The following CEP162 variants were observed in gnomAD, a reference collection of about 807,000 sequenced individuals.
CEP162 encodes centrosomal protein 162.
CEP162 carries 141 observed loss-of-function variants against 169.2 expected under a neutral mutation model. The observed-to-expected ratio is 0.83, with a 90% confidence interval of 0.73 to 0.96. The LOEUF (loss-of-function observed/expected upper bound fraction) is 0.96. CEP162 is among the 40% of genes least tolerant of loss of function. The probability of loss-of-function intolerance (pLI) is 0.00; values close to 1 mark genes in which losing one functional copy is unlikely to be tolerated. For missense variants in CEP162, 1,600 were observed against 1,587.2 expected (o/e 1.01, Z -0.14); for synonymous variants, 540 against 526.4 (o/e 1.03, Z -0.35).
In CEP162 at chr6:84,152,418, T is replaced by A. The variant is rs186426377; in HGVS notation, c.3629+127A>T. ...ACACATGCTCAGCAATATAATATAA[T>A]TTATTAATATTCACTTATGAATTCA... On this transcript the variant is annotated intron_variant, in intron 23 of 26. Coordinates refer to ENST00000403245, the MANE Select transcript of CEP162 (RefSeq NM_014895.4). The A allele has an allele frequency of 1.7e-3, 861 of 514,096 alleles. 1 individual carries two copies. Among genetic ancestry groups the A allele is most frequent in the Non-Finnish European group, 2.5e-3 (781 of 312,220 alleles). The allele number at this position is 514,096 out of a possible 1,614,324, so 31.8% of individuals were successfully genotyped here.
chr6:84,144,502 T>C (rs2099518015), intron 25 of CEP162, among the ~76,000 whole-genome samples: 1 of 152,140 alleles, frequency 6.6e-6, no homozygotes. Flanking sequence ...TTAATTGTTT[T>C]ACTGTTACTT....
chr6:84,203,965 TA>T lies in CEP162; in HGVS notation c.687+15del. 1 of 1,517,256 alleles carries T rather than the reference TA, an allele frequency of 6.6e-7. No individual in the cohort carries two copies. The highest frequency in any genetic ancestry group is 9.0e-7 in the Non-Finnish European group (1 of 1,111,822). The allele number at this position is 1,517,256 out of a possible 1,614,324, so 94.0% of individuals were successfully genotyped here. A position where few individuals can be genotyped will look rare whatever the true frequency, so the allele number is the denominator to read the frequency against. On this transcript the variant is annotated intron_variant, in intron 7 of 26. Coordinates refer to ENST00000403245, the MANE Select transcript of CEP162 (RefSeq NM_014895.4). The stretch of plus-strand genomic sequence containing the variant: ...AAAAGTTGCAAAACTGTCAAATATA[TA>T]ATTGATATATATACCTGTTTGGGCA...
chr6:84,227,543 T>TTGGG (rs2099556224), intron 1 of CEP162, 37 bp downstream of exon 1: 1 of 152,132 alleles, frequency 6.6e-6, no homozygotes, highest in African/African-American at 2.4e-5. Flanking sequence ...CCAGGGCGAT[T>TTGGG]TGGGTGGGAA....
At chr6:84,159,274 G>C (rs2099524489) in intron 21 of CEP162, among the ~76,000 whole-genome samples, 1 of 150,496 alleles carries the variant, frequency 6.6e-6, no homozygotes, top group African/African-American at 2.4e-5. Flanking sequence ...TTTAATAAAA[G>C]TATTAATACA....
rs1443803640 is a variant in CEP162, at chr6:84,149,542, AAAAC to A, written c.3771+16_3771+19del. ...AACGAGTTTATTCAAGTCAAAAGAT[AAAAC>A]AGATTTGTCATCTACCTCTTGAGTT... On this transcript the variant is annotated intron_variant, in intron 24 of 26. Coordinates refer to ENST00000403245, the MANE Select transcript of CEP162 (RefSeq NM_014895.4). 6.4e-7 allele frequency: 1 copy of A among 1,555,992 alleles called. No homozygotes were observed.
chr6:84,168,484 C>T (rs956857921), intron 18 of CEP162, among the ~76,000 whole-genome samples: 3 of 151,706 alleles, frequency 2.0e-5, no homozygotes, highest in African/African-American at 7.3e-5. Context: ...TTCTAATTTA[C>T]ATAATAATTG....
At chr6:84,159,828 T>C (rs2099525014) in intron 21 of CEP162, among the ~76,000 whole-genome samples, 1 of 151,770 alleles carries the variant, frequency 6.6e-6, no homozygotes. Flanking sequence ...GTGATTCTCC[T>C]GCCTCTGCCT....
chr6:84,213,186 G>A (rs769473685), intron 5 of CEP162, among the ~76,000 whole-genome samples, 162 bp from the exon 6 acceptor site: 3 of 151,740 alleles, frequency 2.0e-5, no homozygotes, highest in Non-Finnish European at 4.4e-5. Flanking sequence ...TAAGGAAAAC[G>A]TTTTGAAAAT....
In CEP162 at chr6:84,154,564, A is replaced by G. The variant is rs115399295; in HGVS notation, c.2994+734T>C. ...CGGGATATAAATATGTGGGAAATGA[A>G]ATGAGCTTCCTAGAACATCTCAGCT... On this transcript the variant is annotated intron_variant, in intron 22 of 26. Coordinates refer to ENST00000403245, the MANE Select transcript of CEP162 (RefSeq NM_014895.4). Among the ~76,000 whole-genome samples, 1,416 of 152,250 alleles carry G rather than the reference A, an allele frequency of 9.3e-3. 16 individuals are homozygous for G. Among genetic ancestry groups the G allele is most frequent in the African/African-American group, 0.032 (1,334 of 41,538 alleles).
intron 17 of CEP162, 47 bp from the exon 18 acceptor site, chr6:84,169,480 G>T: frequency 9.4e-7 from 1 of 1,062,498 alleles, no homozygotes; most frequent in Non-Finnish European, 1.4e-6. Flanking sequence ...CTTACCAGGT[G>T]CTCCTTTCAG....
rs764264883 is a variant in CEP162 at position 84,194,929 on chromosome 6, G to C, written c.982C>G (p.Gln328Glu). ...TTTTTTGAATTCTCTTCATTTTCTT[G>C]AGGATGACCTTTCACTGAGCTCTTG... ...DIKSSVKGHP[Q>E]ENEENSKNIS... is the part of the protein sequence containing the mutation. The change falls in exon 10 of 27, where the codon CAA (glutamine) becomes GAA (glutamate). Residue 328 changes from glutamine to glutamate, a missense_variant. Coordinates refer to ENST00000403245, the MANE Select transcript of CEP162 (RefSeq NM_014895.4). 6.2e-7 allele frequency: 1 copy of C among 1,611,918 alleles called. No homozygotes were observed. The highest frequency in any genetic ancestry group is 8.5e-7 in the Non-Finnish European group (1 of 1,179,192).
intron 25 of CEP162, among the ~76,000 whole-genome samples, chr6:84,140,855 C>G (rs754970175): frequency 6.6e-6 from 1 of 152,128 alleles, no homozygotes. Flanking sequence ...AAATAGCTTA[C>G]TGGTCTAGAG....
chr6:84,215,865 A>G lies in CEP162; in HGVS notation c.230T>C (p.Met77Thr), dbSNP rs78964329. 1.6e-4 allele frequency: 258 copies of G among 1,582,088 alleles called. No homozygotes were observed. In the East Asian group the frequency reaches 5.5e-3, roughly 34 times the overall value. ...LKTKKTSQPV[M>T]EIEEESAEKI... is the part of the protein sequence containing the mutation. ...TTCAGCAGACTCCTCTTCTATTTCC[A>G]TAACAGGCTGAGAAGTCTTCTTTGT... is the stretch of plus-strand genomic sequence containing the variant. The change falls in exon 4 of 27, where the codon ATG becomes ACG. Residue 77 changes from methionine to threonine, a missense_variant. Transcript: ENST00000403245.
chr6:84,214,595 C>T (rs1316128985), intron 5 of CEP162, among the ~76,000 whole-genome samples: 4 of 152,182 alleles, frequency 2.6e-5, no homozygotes, highest in Admixed American at 2.6e-4. Flanking sequence ...AAAAACTAAC[C>T]ATCCTGCAGA....
intron 11 of CEP162, among the ~76,000 whole-genome samples, chr6:84,190,554 A>ACCACGAGC (rs2099539439): frequency 6.6e-6 from 1 of 151,976 alleles, no homozygotes; most frequent in Non-Finnish European, 1.5e-5. Context: ...GCCCAGCGAG[A>ACCACGAGC]CCACGAGCCC....
intron 18 of CEP162, 23 bp from the exon 19 acceptor site, chr6:84,163,293 A>T: frequency 6.4e-7 from 1 of 1,567,790 alleles, no homozygotes; most frequent in Non-Finnish European, 8.7e-7. Flanking sequence ...AAGAAATATA[A>T]AAGCAAGTTT....
chr6:84,163,598 T>G (rs968563450), intron 18 of CEP162, among the ~76,000 whole-genome samples: 2 of 151,828 alleles, frequency 1.3e-5, no homozygotes, highest in Admixed American at 6.6e-5. Flanking sequence ...CTCTTCTACC[T>G]CTGGCCCCTA....
At chr6:84,215,502 A>G (rs1184715611) in intron 4 of CEP162, 37 bp from the exon 5 acceptor site, 18 of 1,428,780 alleles carry the variant, frequency 1.3e-5, no homozygotes, top group Non-Finnish European at 1.5e-5. Context: ...AGTAATATAC[A>G]GAATTTTGAA....
At chr6:84,214,465 C>G (rs2099550776) in intron 5 of CEP162, among the ~76,000 whole-genome samples, 1 of 151,882 alleles carries the variant, frequency 6.6e-6, no homozygotes, top group Non-Finnish European at 1.5e-5. Context: ...CAGGAATCTT[C>G]TGTCTATTGT....
Sources: allele counts gnomAD v4.1 joint callset (sites outside exome capture counted in the v4.1 genomes callset), GRCh38; gene constraint gnomAD v4.1.1; transcripts MANE v1.5; gene names NCBI Gene and HGNC (gene_info 2026-07-23, HGNC 2026-07-21).